Variants in PSD2 observed in about 807,000 individuals in gnomAD.
PSD2 encodes the protein PH and SEC7 domain-containing protein 2.
Under a neutral mutation model 69.8 loss-of-function variants are expected in PSD2, and 38 were observed. The ratio of observed to expected loss-of-function variants is 0.54; its 90% CI spans 0.42 to 0.71. PSD2 has a LOEUF of 0.71. Among genes scored for constraint, PSD2 ranks in the 30% least tolerant of loss-of-function variants. PSD2 has a pLI of 0.00. For missense variants in PSD2, 943 were observed against 1,014.5 expected (o/e 0.93, Z 0.96); for synonymous variants, 412 against 423.0 (o/e 0.97, Z 0.32).
chr5:139,748,005 G>A, the PSD2 span, among the ~76,000 whole-genome samples: 44 of 152,374 alleles, frequency 2.9e-4, no homozygotes, highest in Non-Finnish European at 4.4e-4. Flanking sequence ...AGGGGCCTTT[G>A]CGGAGGCGGT....
chr5:139,824,913 C>T (rs1351721426), intron 7 of PSD2, among the ~76,000 whole-genome samples: 1 of 149,498 alleles, frequency 6.7e-6, no homozygotes, highest in African/African-American at 2.5e-5. Flanking sequence ...CCCTGCGAGT[C>T]CCCACAAAAA....
At chr5:139,798,216 C>T (rs975637433) in intron 1 of PSD2, among the ~76,000 whole-genome samples, 1 of 152,192 alleles carries the variant, frequency 6.6e-6, no homozygotes, top group African/African-American at 2.4e-5. Flanking sequence ...AGACCTGGCT[C>T]CTTGCCACAG....
rs761397209 is a variant in PSD2, at chr5:139,813,708, G to A, written c.771G>A (p.Gly257=). The A allele has an allele frequency of 3.1e-6, 5 of 1,613,132 alleles. No individual in the cohort carries two copies. The highest frequency in any genetic ancestry group is 2.2e-5 in the East Asian group (1 of 44,876). ...FHEDGPQGPG[G]DEDDDEEDTD... ...AAGATGGCCCTCAGGGCCCAGGGGG[G>A]GATGAGGATGATGATGAGGAGGACA... is the stretch of plus-strand genomic sequence containing the variant. Residue 257 remains glycine (G), a synonymous_variant, in exon 3 of 15, where the codon GGG becomes GGA. Coordinates refer to ENST00000274710, the MANE Select transcript of PSD2 (RefSeq NM_032289.4).
chr5:139,844,392 G>T lies in PSD2; in HGVS notation c.*1918G>T, dbSNP rs911033493. ...ATGTACTACTGTACTAAAATATTAT[G>T]TACATTATAAAACATACACAAAAAT... is the stretch of plus-strand genomic sequence containing the variant. On this transcript the variant is annotated 3_prime_UTR_variant, in exon 15 of 15. Coordinates refer to ENST00000274710, the MANE Select transcript of PSD2 (RefSeq NM_032289.4). 11 of 152,090 alleles carry T rather than the reference G, an allele frequency of 7.2e-5. No homozygotes were observed. Among genetic ancestry groups the T allele is most frequent in the Non-Finnish European group, 1.0e-4 (7 of 68,026 alleles). The allele number at this position is 152,090 out of a possible 1,614,324, so 9.4% of individuals were successfully genotyped here. A position where few individuals can be genotyped will look rare whatever the true frequency, so the allele number is the denominator to read the frequency against.
chr5:139,830,652 C>CTTTA (rs1474973378), intron 7 of PSD2, among the ~76,000 whole-genome samples: 1 of 107,188 alleles, frequency 9.3e-6, no homozygotes, highest in Non-Finnish European at 2.0e-5. Flanking sequence ...TTCTTTCTTT[C>CTTTA]TTTCTCTTTC....
chr5:139,810,859 A>G (rs1284466677), intron 2 of PSD2, among the ~76,000 whole-genome samples: 2 of 151,858 alleles, frequency 1.3e-5, no homozygotes, highest in African/African-American at 2.4e-5. Context: ...TTTACTTGGG[A>G]TGGCGAGGCT....
chr5:139,775,951 G>A, the PSD2 span, among the ~76,000 whole-genome samples: 8 of 152,230 alleles, frequency 5.3e-5, no homozygotes, highest in African/African-American at 1.7e-4. Flanking sequence ...TTACAGGCGT[G>A]AGCCACTGAG....
chr5:139,750,768 G>A, the PSD2 span, among the ~76,000 whole-genome samples: 4 of 152,148 alleles, frequency 2.6e-5, no homozygotes, highest in African/African-American at 9.7e-5. Context: ...GTGGGGCCTG[G>A]GTGTCTGGGG....
intron 1 of PSD2, among the ~76,000 whole-genome samples, chr5:139,807,335 T>A (rs1457707526): frequency 6.6e-6 from 1 of 151,764 alleles, no homozygotes; most frequent in Non-Finnish European, 1.5e-5. Context: ...CCCCACTTCT[T>A]TTTCCTTTCT....
rs1760073557 is a variant in PSD2, at chr5:139,814,681, T to C, written c.1016+317T>C. ...TGAGGACAGAGAAGCCAGCAGGAGC[T>C]GGGCCCAGCTAATGGGGCCAGGGAG... On this transcript the variant is annotated intron_variant, in intron 4 of 14. Coordinates refer to ENST00000274710, the MANE Select transcript of PSD2 (RefSeq NM_032289.4). The surrounding 1 kb of genome is among the most constrained non-coding windows in gnomAD (Gnocchi z 4.4). 5.3e-5 allele frequency among the ~76,000 whole-genome samples: 8 copies of C among 151,998 alleles called. No homozygotes were observed. The South Asian group carries it at 1.7e-3, about 32-fold the overall frequency.
intron 13 of PSD2, 71 bp downstream of exon 13, chr5:139,838,843 C>T (rs1760803641): frequency 1.3e-6 from 2 of 1,519,090 alleles, no homozygotes; most frequent in Admixed American, 3.5e-5. Flanking sequence ...ATCCAGCAGC[C>T]CCACCCCAGC....
the PSD2 span, among the ~76,000 whole-genome samples, chr5:139,761,553 C>T: frequency 2.1e-4 from 32 of 152,310 alleles, no homozygotes; most frequent in African/African-American, 6.7e-4. Flanking sequence ...GTCTTCTTTC[C>T]GTCCTTTCTG....
the PSD2 span, among the ~76,000 whole-genome samples, chr5:139,776,543 T>C: frequency 4.3e-4 from 66 of 152,280 alleles, no homozygotes; most frequent in African/African-American, 1.5e-3. Flanking sequence ...AGGCTGGAGA[T>C]TGAGGGGCCA....
chr5:139,810,833 G>A (rs1471011837), intron 2 of PSD2, among the ~76,000 whole-genome samples: 3 of 152,100 alleles, frequency 2.0e-5, no homozygotes, highest in African/African-American at 4.8e-5. Flanking sequence ...AGAGCACACC[G>A]TATTGAGGTG....
intron 7 of PSD2, among the ~76,000 whole-genome samples, chr5:139,826,610 T>G (rs962648260): frequency 2.6e-5 from 4 of 151,818 alleles, no homozygotes; most frequent in Non-Finnish European, 5.9e-5. Context: ...GAGCTGAGAG[T>G]GAAGATGGGA....
At chr5:139,766,190 C>T in the PSD2 span, among the ~76,000 whole-genome samples, 1 of 152,166 alleles carries the variant, frequency 6.6e-6, no homozygotes, top group Non-Finnish European at 1.5e-5. Context: ...GATCTGAACT[C>T]AGGAAGTCTA....
chr5:139,767,850 G>T, the PSD2 span, among the ~76,000 whole-genome samples: 1 of 152,248 alleles, frequency 6.6e-6, no homozygotes, highest in Non-Finnish European at 1.5e-5. Flanking sequence ...CAGAGGTAAG[G>T]CTCTTGCTCA....
the PSD2 span, among the ~76,000 whole-genome samples, chr5:139,777,540 A>G: frequency 6.6e-6 from 1 of 152,190 alleles, no homozygotes; most frequent in African/African-American, 2.4e-5. Context: ...AAGAGAATAA[A>G]ATAATTTTGA....
chr5:139,804,032 C>G (rs1485669809), intron 1 of PSD2, among the ~76,000 whole-genome samples: 2 of 152,210 alleles, frequency 1.3e-5, no homozygotes, highest in African/African-American at 4.8e-5. Flanking sequence ...GCCTGGCCAT[C>G]CTAGGCCCCA....
Sources: allele counts gnomAD v4.1 joint callset (sites outside exome capture counted in the v4.1 genomes callset), GRCh38; gene constraint gnomAD v4.1.1; non-coding constraint Gnocchi (gnomAD v3.1); transcripts MANE v1.5; gene names NCBI Gene and HGNC (gene_info 2026-07-23, HGNC 2026-07-21).